Variants in SPPL3 observed in about 807,000 individuals in gnomAD.
The protein encoded by SPPL3 is signal peptide peptidase-like 3.
A neutral mutation model predicts 42.4 loss-of-function variants in SPPL3; 5 were observed. That is an observed-to-expected ratio of 0.12 (90% confidence interval 0.06 to 0.25). SPPL3 has a LOEUF of 0.25. Among genes scored for constraint, SPPL3 ranks in the 10% least tolerant of loss-of-function variants. The pLI is 1.00. For synonymous variants in SPPL3, 195 were observed against 181.8 expected, an observed-to-expected ratio of 1.07 and a Z score of -0.58; for missense variants, 235 against 489.0, an observed-to-expected ratio of 0.48 and a Z score of 4.90.
chr12:120,786,537 T>C (rs533660826), intron 3 of SPPL3, among the ~76,000 whole-genome samples: 12 of 152,170 alleles, frequency 7.9e-5, no homozygotes, highest in Non-Finnish European at 1.8e-4. Context: ...AGTGGTGAGG[T>C]ATATAAGAGA....
At position 120,904,105 on chromosome 12, in the gene SPPL3, C is replaced by CGCG. The variant is rs1271955039; in HGVS notation, c.-241_-239dup. ...GGCTCCGCTCTCGGCCTCCCTCACC[C>CGCG]GCGGCGGCGGCGGCGGCTCCGCTGC... On this transcript the variant is annotated 5_prime_UTR_variant, in exon 1 of 11. Coordinates refer to ENST00000353487, the MANE Select transcript of SPPL3 (RefSeq NM_139015.5). The CGCG allele has an allele frequency of 1.8e-4, 56 of 305,522 alleles. No homozygotes were observed. Among genetic ancestry groups the CGCG allele is most frequent in the Admixed American group, 1.6e-3 (31 of 19,522 alleles). The allele number at this position is 305,522 out of a possible 1,614,324, so 18.9% of individuals were successfully genotyped here.
intron 1 of SPPL3, among the ~76,000 whole-genome samples, chr12:120,866,068 G>C (rs1872746038): frequency 6.6e-6 from 1 of 152,180 alleles, no homozygotes; most frequent in Non-Finnish European, 1.5e-5. Flanking sequence ...CCTAGTTGCA[G>C]GAAAACAAGC....
chr12:120,866,331 T>C (rs1285847538), intron 1 of SPPL3, among the ~76,000 whole-genome samples: 3 of 151,446 alleles, frequency 2.0e-5, no homozygotes, highest in Non-Finnish European at 2.9e-5. Context: ...CCCTAGACTA[T>C]ACATCATAAA....
rs60082359 is a variant in SPPL3 at position 120,789,451 on chromosome 12, C to CAAAAAAA, written c.190+2011_190+2017dup. Among the ~76,000 whole-genome samples the CAAAAAAA allele has an allele frequency of 6.2e-5, 6 of 96,198 alleles. 1 individual carries two copies. The highest frequency in any genetic ancestry group is 6.7e-4 in the East Asian group (2 of 2,986). The allele number at this position is 96,198 out of a possible 152,430, so 63.1% of individuals were successfully genotyped here. On this transcript the variant is annotated intron_variant, in intron 3 of 10. Coordinates refer to ENST00000353487, the MANE Select transcript of SPPL3 (RefSeq NM_139015.5). Reference sequence around the variant, plus strand: ...CCTGGGTGACAGTGAGACTCTGTCTCAAAAAAAAAAAGAAAAAAAGCATTT... The same window carrying CAAAAAAA: ...CCTGGGTGACAGTGAGACTCTGTCTCAAAAAAAAAAAAAAAAAAGAAAAAAAGCATTT...
chr12:120,810,910 T>A, intron 1 of SPPL3, 24 bp from the exon 2 acceptor site: 1 of 1,573,948 alleles, frequency 6.4e-7, no homozygotes, highest in Non-Finnish European at 8.7e-7. Flanking sequence ...AGGAAAAAAA[T>A]TTAAATCACA....
intron 2 of SPPL3, among the ~76,000 whole-genome samples, chr12:120,801,049 G>T (rs1870277038): frequency 6.6e-6 from 1 of 152,174 alleles, no homozygotes; most frequent in Admixed American, 6.5e-5. Context: ...TTTTCAGAAG[G>T]GCTGGAAATA....
At chr12:120,767,730 A>G in intron 8 of SPPL3, 137 bp from the exon 9 acceptor site, 1 of 892,382 alleles carries the variant, frequency 1.1e-6, no homozygotes, top group East Asian at 2.6e-5. Context: ...CTGATGGAAC[A>G]TTAGTTTTAA....
intron 1 of SPPL3, among the ~76,000 whole-genome samples, chr12:120,835,994 C>T (rs1192291677): frequency 6.6e-6 from 1 of 152,118 alleles, no homozygotes; most frequent in Non-Finnish European, 1.5e-5. Context: ...CTCCTTTGTA[C>T]TTTTTATGAA....
chr12:120,832,665 T>A (rs1871466290), intron 1 of SPPL3, among the ~76,000 whole-genome samples: 1 of 149,730 alleles, frequency 6.7e-6, no homozygotes, highest in Non-Finnish European at 1.5e-5. Context: ...AAACTCCGTC[T>A]CAAAAAAAAA....
chr12:120,864,218 T>TC (rs1872696848), intron 1 of SPPL3, among the ~76,000 whole-genome samples: 2 of 152,170 alleles, frequency 1.3e-5, no homozygotes, highest in African/African-American at 2.4e-5. Context: ...ACCACTGATC[T>TC]CATCACAGAA....
intron 6 of SPPL3, among the ~76,000 whole-genome samples, chr12:120,779,638 G>A (rs1869451554): frequency 6.6e-6 from 1 of 152,044 alleles, no homozygotes; most frequent in African/African-American, 2.4e-5. Context: ...AAAATTTTTT[G>A]AGATTACAAA....
chr12:120,784,923 T>A (rs910280710), intron 3 of SPPL3, among the ~76,000 whole-genome samples: 1 of 151,428 alleles, frequency 6.6e-6, no homozygotes, highest in South Asian at 2.1e-4. Flanking sequence ...TTGGGTAAAT[T>A]TGTGGTCTTG....
chr12:120,894,198 C>T (rs894502327), intron 1 of SPPL3, among the ~76,000 whole-genome samples: 6 of 152,122 alleles, frequency 3.9e-5, no homozygotes, highest in African/African-American at 9.7e-5. Context: ...GTGGCGCATG[C>T]CCGTTATCCC....
chr12:120,869,694 C>T (rs1213401350), intron 1 of SPPL3, among the ~76,000 whole-genome samples: 5 of 152,140 alleles, frequency 3.3e-5, no homozygotes, highest in East Asian at 1.9e-4. Flanking sequence ...TTAGCATTTT[C>T]GCTACTACAC....
chr12:120,902,103 A>C (rs1361579779), intron 1 of SPPL3, among the ~76,000 whole-genome samples: 1 of 152,234 alleles, frequency 6.6e-6, no homozygotes, highest in Non-Finnish European at 1.5e-5. Context: ...GGAAGCTGAA[A>C]TTGTAATCTT....
chr12:120,795,217 G>A (rs1003546124), intron 2 of SPPL3, among the ~76,000 whole-genome samples: 3 of 152,080 alleles, frequency 2.0e-5, no homozygotes, highest in African/African-American at 7.2e-5. Context: ...AAGTAGCTGG[G>A]ATTACAGGTA....
At chr12:120,791,782 G>A (rs1592964363) in intron 2 of SPPL3, 7 of 465,478 alleles carry the variant, frequency 1.5e-5, no homozygotes, top group Non-Finnish European at 2.7e-5. Context: ...CAATGCAGCT[G>A]AATCTTCCAC....
At chr12:120,803,849 A>AGTAGGACGAGTTATGGAATGACAAAAAG (rs1566046446) in intron 2 of SPPL3, among the ~76,000 whole-genome samples, 2 of 151,804 alleles carry the variant, frequency 1.3e-5, no homozygotes, top group African/African-American at 4.8e-5. Flanking sequence ...GTTTTCTTCA[A>AGTAGGACGAGTTATGGAATGACAAAAAG]GTAGGACGAG....
intron 1 of SPPL3, among the ~76,000 whole-genome samples, chr12:120,882,968 G>A (rs1873340086): frequency 6.6e-6 from 1 of 151,854 alleles, no homozygotes. Flanking sequence ...TATAGTTCTG[G>A]GACAATTGGA....
Sources: allele counts gnomAD v4.1 joint callset (sites outside exome capture counted in the v4.1 genomes callset), GRCh38; gene constraint gnomAD v4.1.1; transcripts MANE v1.5; gene names NCBI Gene and HGNC (gene_info 2026-07-23, HGNC 2026-07-21).